Variants in ZNF688 observed in about 807,000 individuals in gnomAD.
ZNF688 encodes the protein zinc finger protein 688.
A neutral mutation model predicts 13.2 loss-of-function variants in ZNF688; 10 were observed. That is an observed-to-expected ratio of 0.76 (90% CI 0.47 to 1.28). The LOEUF (loss-of-function observed/expected upper bound fraction) is 1.28, where lower values mean the gene tolerates loss of function less well. Among genes scored for constraint, ZNF688 ranks in the 50% most tolerant of loss-of-function variants. ZNF688 has a pLI of 0.00. For synonymous variants in ZNF688, 160 were observed against 159.4 expected, an observed-to-expected ratio of 1.00 and a Z score of -0.03; for missense variants, 381 against 391.4, an observed-to-expected ratio of 0.97 and a Z score of 0.22.
chr16:30,571,336 G>T, intron 1 of ZNF688, 98 bp downstream of exon 1: 2 of 1,535,316 alleles, frequency 1.3e-6, no homozygotes, highest in Non-Finnish European at 1.7e-6. Flanking sequence ...GTTGGTGCAA[G>T]AGTGCGGGAT....
upstream of ZNF688, chr16:30,572,231 T>C (rs201064355): frequency 5.3e-5 from 84 of 1,598,576 alleles, no homozygotes; most frequent in Middle Eastern, 2.5e-3. Flanking sequence ...CCCGCGGTCC[T>C]GAAGCCTCTG....
chr16:30,571,408 A>C, intron 1 of ZNF688, 26 bp downstream of exon 1: 2 of 1,549,546 alleles, frequency 1.3e-6, no homozygotes, highest in Non-Finnish European at 1.7e-6. Context: ...GTGAAGGAGG[A>C]GGGGGCTCGG....
chr16:30,572,988 C>CCTT (rs2051710585), upstream of ZNF688, among the ~76,000 whole-genome samples: 1 of 152,096 alleles, frequency 6.6e-6, no homozygotes, highest in Admixed American at 6.6e-5. Context: ...CTCACCGCAA[C>CCTT]CTTCGCCTCC....
chr16:30,570,760 T>TATTTATTC (rs1230601618), intron 2 of ZNF688: 1 of 346,094 alleles, frequency 2.9e-6, no homozygotes, highest in Non-Finnish European at 5.1e-6. Context: ...TTTATTTATT[T>TATTTATTC]ATTTATTTTT....
Position 30,570,382 on chromosome 16 carries a change from C to A in ZNF688, c.365G>T (p.Gly122Val). The A allele has an allele frequency of 6.2e-7, 1 of 1,613,876 alleles. No homozygotes were observed. Among genetic ancestry groups the A allele is most frequent in the Non-Finnish European group, 8.5e-7 (1 of 1,180,020 alleles). The stretch of plus-strand genomic sequence containing the variant: ...CTCCTTCACAGGAGCCTTTCTAGGC[C>A]CTTTGGCTCTTGGGACTTCCTCCGG... ...EEPEEVPRAK[G>V]PRKAPVKESP... Residue 122 changes from glycine (G) to valine (V), a missense_variant, in exon 3 of 3, where the codon GGG (glycine) becomes GTG (valine). Transcript: ENST00000223459.
rs774736157 is a variant in ZNF688 at position 30,571,449 on chromosome 16, G to A, written c.181C>T (p.His61Tyr). The A allele has an allele frequency of 6.3e-6, 10 of 1,576,016 alleles. No homozygotes were observed. Among genetic ancestry groups the A allele is most frequent in the Non-Finnish European group, 7.7e-6 (9 of 1,161,998 alleles). ...YRDVMQETYGHLGALGFPGPK... is the reference protein window; with the variant it reads ...YRDVMQETYGYLGALGFPGPK... ...GGGCTCTCACCGAGCGCGCCCAGGTGGCCGTAGGTCTCCTGCATCACGTCC... is the reference window on the plus strand; with the variant it reads ...GGGCTCTCACCGAGCGCGCCCAGGTAGCCGTAGGTCTCCTGCATCACGTCC... Residue 61 changes from histidine (H) to tyrosine (Y), a missense_variant, in exon 1 of 3, where the codon CAC (histidine) becomes TAC (tyrosine). Coordinates refer to ENST00000223459, the MANE Select transcript of ZNF688 (RefSeq NM_145271.4).
intron 1 of ZNF688, 24 bp downstream of exon 1, chr16:30,571,410 G>C: frequency 1.3e-6 from 2 of 1,550,618 alleles, no homozygotes; most frequent in Non-Finnish European, 1.7e-6. Context: ...GAAGGAGGAG[G>C]GGGCTCGGAC....
At position 30,570,440 on chromosome 16, in the gene ZNF688, G is replaced by A; in HGVS notation, c.311-4C>T. 3 of 1,605,914 alleles carry A rather than the reference G, an allele frequency of 1.9e-6. No individual in the cohort carries two copies. Among genetic ancestry groups the A allele is most frequent in the Non-Finnish European group, 2.5e-6 (3 of 1,176,716 alleles). On this transcript the variant is annotated splice_region_variant and splice_polypyrimidine_tract_variant and intron_variant, in intron 2 of 2. Transcript: ENST00000223459. ...TCCTTCCTGTTTGGGACATCTCCTG[G>A]GAAACCGGAATTAAGTTACACTTAC...
the ZNF688 span, chr16:30,579,759 C>G: frequency 4.4e-6 from 2 of 453,792 alleles, no homozygotes; most frequent in East Asian, 1.4e-4. Flanking sequence ...CACTGACCAC[C>G]AGTCCTGGAA....
At position 30,570,265 on chromosome 16, in the gene ZNF688, G is replaced by A. The variant is rs1467984956; in HGVS notation, c.482C>T (p.Pro161Leu). 2 of 1,613,706 alleles carry A rather than the reference G, an allele frequency of 1.2e-6. No individual in the cohort carries two copies. The highest frequency in any genetic ancestry group is 1.1e-5 in the South Asian group (1 of 91,056). ...TGCCGGGGGCTGTGCTCCTGTGGTC[G>A]GGTCCCAGGCAGCATTTTTGGGTGG... ...AQPPKNAAWD[P>L]TTGAQPPAPI... The change falls in exon 3 of 3, where the codon CCG (proline) becomes CTG (leucine). Residue 161 changes from proline to leucine, a missense_variant. Pro to Leu is a moderately conservative substitution (Grantham distance 98, BLOSUM62 -3). Coordinates refer to ENST00000223459, the MANE Select transcript of ZNF688 (RefSeq NM_145271.4).
At chr16:30,572,145 C>A, upstream of ZNF688, 14 of 1,601,236 alleles carry the variant, frequency 8.7e-6, no homozygotes, top group Non-Finnish European at 1.2e-5. Flanking sequence ...CAATACGCAA[C>A]GGCCGATGAT....
At chr16:30,579,883 TTTTTG>T in the ZNF688 span, 6 of 454,808 alleles carry the variant, frequency 1.3e-5, no homozygotes, top group South Asian at 6.2e-5. Flanking sequence ...TAACTGTTGT[TTTTTG>T]TTTTGTTTTG....
chr16:30,576,298 G>A (rs866575234), upstream of ZNF688, among the ~76,000 whole-genome samples: 4 of 152,174 alleles, frequency 2.6e-5, no homozygotes, highest in Non-Finnish European at 4.4e-5. Context: ...TGCAAGCTCC[G>A]CTTCCCGGGC....
chr16:30,571,018 G>A lies in ZNF688; in HGVS notation c.302C>T (p.Ala101Val). 6.2e-7 allele frequency: 1 copy of A among 1,613,910 alleles called. No homozygotes were observed. The highest frequency in any genetic ancestry group is 8.5e-7 in the Non-Finnish European group (1 of 1,179,914). ...DPEKGERLGG[A>V]RRGDVPNRKE... Reference sequence around the variant, plus strand: ...CCGGGACTATCCCTCACCTCTCCGAGCTCCTCCCAGTCTTTCCCCCTTCTC... The same window carrying A: ...CCGGGACTATCCCTCACCTCTCCGAACTCCTCCCAGTCTTTCCCCCTTCTC... The change falls in exon 2 of 3, where the codon GCT becomes GTT. Residue 101 changes from alanine (A) to valine (V), a missense_variant. Coordinates refer to ENST00000223459, the MANE Select transcript of ZNF688 (RefSeq NM_145271.4).
At chr16:30,573,808 T>A, upstream of ZNF688, 1 of 285,876 alleles carries the variant, frequency 3.5e-6, no homozygotes, top group Non-Finnish European at 6.8e-6. Context: ...TAATTATTAA[T>A]TGTTAATAAT....
Position 30,569,918 on chromosome 16 carries a change from A to G in ZNF688, c.829T>C (p.Ter277ArgextTer16). 6.5e-7 allele frequency: 1 copy of G among 1,538,386 alleles called. No homozygotes were observed. Among genetic ancestry groups the G allele is most frequent in the Non-Finnish European group, 8.8e-7 (1 of 1,142,838 alleles). ...TCAACTCCAGCCTGCGGTGCCGCTCAGCCGCACTCCTCGAAGATGTCTGGG... is the reference window on the plus strand; with the variant it reads ...TCAACTCCAGCCTGCGGTGCCGCTCGGCCGCACTCCTCGAAGATGTCTGGG... The part of the protein sequence containing the change: ...HYPDIFEECG[*>R] The change falls in exon 3 of 3, where the codon TGA (stop) becomes CGA (arginine). Residue 277 changes from the stop codon to arginine, a stop_lost. Coordinates refer to ENST00000223459, the MANE Select transcript of ZNF688 (RefSeq NM_145271.4).
At chr16:30,570,508 C>T (rs1273230591) in intron 2 of ZNF688, 72 bp from the exon 3 acceptor site, 2 of 1,522,874 alleles carry the variant, frequency 1.3e-6, no homozygotes. Flanking sequence ...GAATGCTTTT[C>T]ACTTAAGGCA....
chr16:30,570,326 C>G lies in ZNF688; in HGVS notation c.421G>C (p.Asp141His), dbSNP rs756659029. 2.5e-6 allele frequency: 4 copies of G among 1,614,124 alleles called. No homozygotes were observed. In the South Asian group the frequency reaches 3.3e-5, roughly 13 times the overall value. Reference sequence around the variant, plus strand: ...GCCGGGGCCACGCTAATAGCTGGGTCAGGGTTGCGTTCCACCAGCACTTCA... The same window carrying G: ...GCCGGGGCCACGCTAATAGCTGGGTGAGGGTTGCGTTCCACCAGCACTTCA... The part of the protein sequence containing the change: ...SPEVLVERNP[D>H]PAISVAPARA... The change falls in exon 3 of 3, where the codon GAC becomes CAC. Residue 141 changes from aspartate (D) to histidine (H), a missense_variant. Coordinates refer to ENST00000223459, the MANE Select transcript of ZNF688 (RefSeq NM_145271.4).
the ZNF688 span, chr16:30,579,838 G>T: frequency 2.2e-6 from 1 of 455,964 alleles, no homozygotes; most frequent in Non-Finnish European, 4.4e-6. Context: ...CAAAAGTAGG[G>T]CTAGCAGATC....
Sources: allele counts gnomAD v4.1 joint callset (sites outside exome capture counted in the v4.1 genomes callset), GRCh38; gene constraint gnomAD v4.1.1; transcripts MANE v1.5; gene names NCBI Gene and HGNC (gene_info 2026-07-23, HGNC 2026-07-21).